Variants in LRP1B observed in about 807,000 individuals in gnomAD.
LRP1B encodes LDL receptor related protein 1B.
In LRP1B, 217 loss-of-function variants were observed where a neutral mutation model predicts 556.6. The ratio of observed to expected loss-of-function variants is 0.39; its 90% CI spans 0.35 to 0.44. The LOEUF is 0.44. Among genes scored for constraint, LRP1B ranks in the 20% least tolerant of loss-of-function variants. LRP1B has a pLI of 1.00. For synonymous variants in LRP1B, 2,047 were observed against 1,865.8 expected (o/e 1.10, Z -2.50); for missense variants, 5,053 against 5,620.8 (o/e 0.90, Z 3.23).
chr2:140,299,606 G>A (rs551548378), intron 83 of LRP1B, among the ~76,000 whole-genome samples: 53 of 151,994 alleles, frequency 3.5e-4, no homozygotes, highest in African/African-American at 1.2e-3. Context: ...TGTTGATATA[G>A]AAACACAGTA....
At chr2:140,286,408 A>T (rs540795973) in intron 84 of LRP1B, among the ~76,000 whole-genome samples, 1 of 151,836 alleles carries the variant, frequency 6.6e-6, no homozygotes, top group Non-Finnish European at 1.5e-5. Context: ...TCAAGTGCCA[A>T]TGAGAGAGCC....
At chr2:141,190,702 T>C (rs1219369522) in intron 6 of LRP1B, among the ~76,000 whole-genome samples, 1 of 152,016 alleles carries the variant, frequency 6.6e-6, no homozygotes, top group African/African-American at 2.4e-5. Context: ...TAGATTTTTA[T>C]TATAGTCACA....
intron 3 of LRP1B, among the ~76,000 whole-genome samples, chr2:141,280,615 G>T (rs1175452189): frequency 6.6e-6 from 1 of 151,716 alleles, no homozygotes; most frequent in African/African-American, 2.4e-5. Context: ...CTTAATATTG[G>T]CTTGTTTAAA....
chr2:142,096,458 T>G (rs1706372604), intron 1 of LRP1B, among the ~76,000 whole-genome samples: 1 of 150,384 alleles, frequency 6.6e-6, no homozygotes, highest in African/African-American at 2.4e-5. Flanking sequence ...TTTTTACAAA[T>G]TCTATTCTTC....
chr2:141,944,970 T>G (rs1485984272), intron 1 of LRP1B, among the ~76,000 whole-genome samples: 1 of 152,196 alleles, frequency 6.6e-6, no homozygotes, highest in Non-Finnish European at 1.5e-5. Context: ...GTTTTTCTTA[T>G]TTTCAGATTA....
intron 20 of LRP1B, among the ~76,000 whole-genome samples, chr2:140,928,766 C>T (rs927340617): frequency 1.3e-5 from 2 of 152,042 alleles, no homozygotes; most frequent in Non-Finnish European, 2.9e-5. Context: ...GAAGGTGACA[C>T]TTGAGTGAGA....
At chr2:141,404,027 T>A (rs1350937312) in intron 3 of LRP1B, among the ~76,000 whole-genome samples, 3 of 152,204 alleles carry the variant, frequency 2.0e-5, no homozygotes, top group Non-Finnish European at 4.4e-5. Flanking sequence ...TATGAGGTAC[T>A]CTACACAGTG....
intron 47 of LRP1B, among the ~76,000 whole-genome samples, chr2:140,527,682 AG>A (rs1168035020): frequency 9.9e-4 from 4 of 4,052 alleles, no homozygotes; most frequent in Non-Finnish European, 7.6e-3. Context: ...AACGGAAAAA[AG>A]TTTTTTTTCT....
intron 86 of LRP1B, among the ~76,000 whole-genome samples, chr2:140,266,454 T>C (rs1407249677): frequency 6.6e-6 from 1 of 152,026 alleles, no homozygotes; most frequent in East Asian, 1.9e-4. Flanking sequence ...AGTACCCAAA[T>C]AGTGGTATTT....
Position 140,851,659 on chromosome 2 carries a change from G to T in LRP1B, c.4704C>A (p.Thr1568=), listed in dbSNP as rs149745177. ...HLMKLSSDKK[T]CYEMKKFLLY... ...GAACTGTAAGAAATTTACCATAGCA[G>T]GTCTTCTTGTCTGAAGAAAGCTTCA... Residue 1568 remains threonine, a synonymous_variant, in exon 28 of 91, where the codon ACC becomes ACA. Transcript: ENST00000389484. 1.9e-6 allele frequency: 3 copies of T among 1,608,558 alleles called. No homozygotes were observed. The highest frequency in any genetic ancestry group is 2.5e-6 in the Non-Finnish European group (3 of 1,178,142).
chr2:141,866,622 T>C (rs769629296), intron 1 of LRP1B, among the ~76,000 whole-genome samples: 3 of 152,150 alleles, frequency 2.0e-5, no homozygotes, highest in Non-Finnish European at 4.4e-5. Flanking sequence ...TCCCTAAGAC[T>C]GTTAATTCCA....
intron 83 of LRP1B, among the ~76,000 whole-genome samples, chr2:140,305,821 TG>T (rs772934367): frequency 6.6e-5 from 10 of 152,012 alleles, no homozygotes; most frequent in Non-Finnish European, 8.8e-5. Flanking sequence ...TTTTGAGATA[TG>T]TCCCATCAAT....
At chr2:141,160,282 C>T (rs2105109479) in intron 7 of LRP1B, among the ~76,000 whole-genome samples, 1 of 152,222 alleles carries the variant, frequency 6.6e-6, no homozygotes, top group Non-Finnish European at 1.5e-5. Flanking sequence ...GAGAATATGT[C>T]TGAACAACTA....
chr2:141,653,548 C>A (rs896050402), intron 2 of LRP1B, among the ~76,000 whole-genome samples: 1 of 152,194 alleles, frequency 6.6e-6, no homozygotes, highest in Non-Finnish European at 1.5e-5. Flanking sequence ...TGTATCAATT[C>A]TTAGTTAAAT....
At chr2:140,551,640 G>A (rs937300345) in intron 43 of LRP1B, among the ~76,000 whole-genome samples, 6 of 152,160 alleles carry the variant, frequency 3.9e-5, no homozygotes, top group Non-Finnish European at 8.8e-5. Context: ...TAAAGATTCT[G>A]CCTCTGCTGT....
intron 32 of LRP1B, among the ~76,000 whole-genome samples, chr2:140,809,588 A>C (rs1401604943): frequency 6.6e-6 from 1 of 152,190 alleles, no homozygotes; most frequent in Non-Finnish European, 1.5e-5. Context: ...TGAACTTCTA[A>C]GTCTATTCAT....
intron 2 of LRP1B, among the ~76,000 whole-genome samples, chr2:141,587,075 A>G (rs1687169751): frequency 1.3e-5 from 2 of 152,232 alleles, no homozygotes; most frequent in African/African-American, 4.8e-5. Context: ...ACATACACCT[A>G]TAAAATGTTT....
intron 27 of LRP1B, among the ~76,000 whole-genome samples, chr2:140,859,709 G>C (rs966342381): frequency 6.6e-6 from 1 of 151,864 alleles, no homozygotes. Context: ...AAAATAAATT[G>C]CCTGGCCGTG....
intron 7 of LRP1B, among the ~76,000 whole-genome samples, chr2:141,137,035 C>T (rs868073540): frequency 1.5e-4 from 18 of 121,926 alleles, no homozygotes; most frequent in Middle Eastern, 4.5e-3. Flanking sequence ...TTTCATTATT[C>T]GAAAAAAAGT....
Sources: gnomAD v4.1 joint callset for allele counts (sites outside exome capture counted in the v4.1 genomes callset) on GRCh38, gnomAD v4.1.1 for gene constraint, MANE v1.5 for transcripts, NCBI Gene and HGNC (gene_info 2026-07-23, HGNC 2026-07-21) for gene names.